RFC1: variants seen among roughly 807,000 people sequenced by gnomAD.
RFC1 encodes the protein replication factor C subunit 1.
In RFC1, 37 loss-of-function variants were observed where a neutral mutation model predicts 137.4. The ratio of observed to expected loss-of-function variants is 0.27; its 90% CI spans 0.21 to 0.35. The LOEUF (loss-of-function observed/expected upper bound fraction) is 0.35. Ranked by LOEUF, RFC1 falls within the 10% of genes least tolerant of loss-of-function variation. The pLI is 1.00. For missense variants in RFC1, 1,205 were observed against 1,358.5 expected (o/e 0.89, Z 1.78); for synonymous variants, 429 against 455.7 (o/e 0.94, Z 0.75).
At chr4:39,343,215 G>GTT (rs1740691934) in intron 3 of RFC1, among the ~76,000 whole-genome samples, 1 of 151,946 alleles carries the variant, frequency 6.6e-6, no homozygotes, top group African/African-American at 2.4e-5. Context: ...TAGAGACAGG[G>GTT]TTTTACTATG....
Position 39,323,420 on chromosome 4 carries a change from G to A in RFC1, c.643-3C>T. 6.2e-7 allele frequency: 1 copy of A among 1,613,810 alleles called. No homozygotes were observed. Among genetic ancestry groups the A allele is most frequent in the East Asian group, 2.2e-5 (1 of 44,834 alleles). On this transcript the variant is annotated splice_region_variant and splice_polypyrimidine_tract_variant and intron_variant, in intron 6 of 24. Coordinates refer to ENST00000349703, the MANE Select transcript of RFC1 (RefSeq NM_002913.5). ...TCTTCATGCAACTGCCTCTCCAGCT[G>A]TAAAATGTGTCAGCAAAGTGAGTTG...
At chr4:39,329,018 T>C (rs1444808544) in intron 4 of RFC1, among the ~76,000 whole-genome samples, 2 of 149,928 alleles carry the variant, frequency 1.3e-5, no homozygotes, top group African/African-American at 4.9e-5. Context: ...CCACAAAACA[T>C]CTGGCTTTAA....
chr4:39,317,384 T>C (rs1739291572), intron 9 of RFC1, among the ~76,000 whole-genome samples: 1 of 152,176 alleles, frequency 6.6e-6, no homozygotes, highest in Non-Finnish European at 1.5e-5. Flanking sequence ...AACGGGAAAA[T>C]ACATTTTTTC....
At chr4:39,324,552 G>C (rs1018213450) in intron 6 of RFC1, among the ~76,000 whole-genome samples, 1 of 152,122 alleles carries the variant, frequency 6.6e-6, no homozygotes, top group African/African-American at 2.4e-5. Context: ...AAATAAGATA[G>C]AAAAACATTT....
intron 4 of RFC1, among the ~76,000 whole-genome samples, chr4:39,341,881 T>C (rs1183056857): frequency 1.3e-5 from 2 of 152,176 alleles, no homozygotes. Flanking sequence ...CAGAACTAAA[T>C]TTAAGTACAA....
Position 39,327,655 on chromosome 4 carries a change from C to T in RFC1, c.433G>A (p.Glu145Lys). 2.5e-6 allele frequency: 4 copies of T among 1,613,606 alleles called. No individual in the cohort carries two copies. Among genetic ancestry groups the T allele is most frequent in the Non-Finnish European group, 3.4e-6 (4 of 1,179,784 alleles). The change falls in exon 5 of 25, where the codon GAA (glutamate) becomes AAA (lysine). Residue 145 changes from glutamate to lysine, a missense_variant. By Grantham distance (56) the Glu-to-Lys change is moderately conservative. Coordinates refer to ENST00000349703, the MANE Select transcript of RFC1 (RefSeq NM_002913.5). The part of the protein sequence containing the change: ...HLGTSNMKKN[E>K]ENTKTKNKPL... ...TTATTCTTGGTCTTAGTGTTTTCTT[C>T]ATTCTTTTTCATGTTTGATGTTCCA...
chr4:39,341,442 T>C (rs1740600931), intron 4 of RFC1: 1 of 364,128 alleles, frequency 2.7e-6, no homozygotes, highest in African/African-American at 2.1e-5. Flanking sequence ...CAAAGAAACG[T>C]CTGTTTGGTA....
At position 39,342,438 on chromosome 4, in the gene RFC1, T is replaced by C. The variant is rs1740651234; in HGVS notation, c.238A>G (p.Lys80Glu). Residue 80 changes from lysine to glutamate, a missense_variant, in exon 4 of 25, where the codon AAA (lysine) becomes GAA (glutamate). Physicochemically the swap from Lys to Glu is moderately conservative, Grantham distance 56. Transcript: ENST00000349703. The stretch of plus-strand genomic sequence containing the variant: ...TTTTCTGGTGGCTTTTTGGCATTTT[T>C]TACCTGCAACGTCTCCTCTGACTCT... ...DSESEETLQVKNAKKPPEKLP... is the reference protein window; with the variant it reads ...DSESEETLQVENAKKPPEKLP... 2 of 1,613,428 alleles carry C rather than the reference T, an allele frequency of 1.2e-6. No homozygotes were observed. Among genetic ancestry groups the C allele is most frequent in the Non-Finnish European group, 1.7e-6 (2 of 1,179,538 alleles).
Position 39,302,881 on chromosome 4 carries a change from G to C in RFC1, c.2203-7C>G. The stretch of plus-strand genomic sequence containing the variant: ...TTATCAGGCCAATTAATTCCTGAAA[G>C]GCAAGTTTGCAACACAAAAATAATT... On this transcript the variant is annotated splice_region_variant and splice_polypyrimidine_tract_variant and intron_variant, in intron 16 of 24. Coordinates refer to ENST00000349703, the MANE Select transcript of RFC1 (RefSeq NM_002913.5). The C allele has an allele frequency of 6.4e-7, 1 of 1,573,422 alleles. No homozygotes were observed. Among genetic ancestry groups the C allele is most frequent in the Non-Finnish European group, 8.6e-7 (1 of 1,161,806 alleles).
At position 39,290,180 on chromosome 4, in the gene RFC1, G is replaced by A. The variant is rs535124290; in HGVS notation, c.3169-141C>T. The A allele has an allele frequency of 2.9e-4, 158 of 546,930 alleles. 1 individual carries two copies. Among genetic ancestry groups the A allele is most frequent in the Non-Finnish European group, 4.1e-4 (129 of 312,512 alleles). 33.9% of individuals were successfully genotyped at this position (546,930 alleles called of 1,614,324 possible). A position where few individuals can be genotyped will look rare whatever the true frequency, so the allele number is the denominator to read the frequency against. On this transcript the variant is annotated intron_variant, in intron 23 of 24. Coordinates refer to ENST00000349703, the MANE Select transcript of RFC1 (RefSeq NM_002913.5). The stretch of plus-strand genomic sequence containing the variant: ...TGTATATACATGTAAATCTAAGTAC[G>A]TGCATTTTTCTGTGGATAAGTTCCA...
intron 7 of RFC1, chr4:39,321,737 A>G (rs1340255092): frequency 6.3e-6 from 1 of 158,516 alleles, no homozygotes; most frequent in African/African-American, 2.4e-5. Context: ...AATAAAAATA[A>G]ACAAAAGCTC....
rs1028674640 is a variant in RFC1 at position 39,288,859 on chromosome 4, A to T, written c.3361-15T>A. The T allele has an allele frequency of 4.0e-6, 6 of 1,513,474 alleles. No homozygotes were observed. Among genetic ancestry groups the T allele is most frequent in the East Asian group, 2.3e-5 (1 of 44,380 alleles). The allele number at this position is 1,513,474 out of a possible 1,614,324, so 93.8% of individuals were successfully genotyped here. A position where few individuals can be genotyped will look rare whatever the true frequency, so the allele number is the denominator to read the frequency against. ...TTTGTCTTTTTCTGTTAGGGGGAAGATAACAAAATAGTTAATAGCTGTGTT... is the reference window on the plus strand; with the variant it reads ...TTTGTCTTTTTCTGTTAGGGGGAAGTTAACAAAATAGTTAATAGCTGTGTT... On this transcript the variant is annotated splice_polypyrimidine_tract_variant and intron_variant, in intron 24 of 24. Coordinates refer to ENST00000349703, the MANE Select transcript of RFC1 (RefSeq NM_002913.5).
intron 1 of RFC1, 140 bp downstream of exon 1, chr4:39,366,099 G>T: frequency 1.1e-6 from 1 of 897,206 alleles, no homozygotes; most frequent in Non-Finnish European, 1.6e-6. Context: ...CCGGTGTGCG[G>T]CCCCTTCTCT....
At chr4:39,339,401 C>T (rs998613065) in intron 4 of RFC1, among the ~76,000 whole-genome samples, 10 of 152,094 alleles carry the variant, frequency 6.6e-5, no homozygotes, top group African/African-American at 1.9e-4. Flanking sequence ...CCCTGAATAA[C>T]GTTTGTTATC....
chr4:39,332,001 T>C (rs1740128093), intron 4 of RFC1, among the ~76,000 whole-genome samples: 1 of 152,312 alleles, frequency 6.6e-6, no homozygotes. Flanking sequence ...TGAATAACTC[T>C]CATGAGATCT....
At chr4:39,359,938 T>C (rs1741668770) in intron 1 of RFC1, among the ~76,000 whole-genome samples, 1 of 151,584 alleles carries the variant, frequency 6.6e-6, no homozygotes, top group South Asian at 2.1e-4. Flanking sequence ...GGGTGATGGG[T>C]GCACCAAAAT....
intron 2 of RFC1, among the ~76,000 whole-genome samples, chr4:39,349,594 G>A (rs1228616763): frequency 6.6e-6 from 1 of 152,190 alleles, no homozygotes; most frequent in Non-Finnish European, 1.5e-5. Context: ...CTATTTTGTA[G>A]TATTTTGTCA....
At chr4:39,348,441 A>AGGG (rs1182125572) in intron 2 of RFC1, among the ~76,000 whole-genome samples, 2 of 122,744 alleles carry the variant, frequency 1.6e-5, no homozygotes, top group Non-Finnish European at 3.8e-5. Flanking sequence ...AAAGAAAAGA[A>AGGG]AAGAAAAGAA....
rs1738952194 is a variant in RFC1, at chr4:39,311,364, C to G, written c.1488+81G>C. 3.5e-6 allele frequency: 4 copies of G among 1,138,392 alleles called. No homozygotes were observed. The South Asian group carries it at 4.0e-5, about 11-fold the overall frequency. The allele number at this position is 1,138,392 out of a possible 1,614,324, so 70.5% of individuals were successfully genotyped here. On this transcript the variant is annotated intron_variant, in intron 12 of 24. Coordinates refer to ENST00000349703, the MANE Select transcript of RFC1 (RefSeq NM_002913.5). ...GGATGTTAATCTTTCAGCCAACAAG[C>G]CTGTATCCACCCAAGACATATGTCT...
Sources: gnomAD v4.1 joint callset for allele counts (sites outside exome capture counted in the v4.1 genomes callset) on GRCh38, gnomAD v4.1.1 for gene constraint, MANE v1.5 for transcripts, NCBI Gene and HGNC (gene_info 2026-07-23, HGNC 2026-07-21) for gene names.